The following TMEM11 variants were observed in gnomAD, a reference collection of about 807,000 sequenced individuals.
The protein encoded by TMEM11 is transmembrane protein 11.
TMEM11 carries 1 observed loss-of-function variant against 17.0 expected under a neutral mutation model. The ratio of observed to expected loss-of-function variants is 0.06; its 90% CI spans 0.02 to 0.28. The LOEUF (loss-of-function observed/expected upper bound fraction) is 0.28, where lower values mean the gene tolerates loss of function less well. Ranked by LOEUF, TMEM11 falls within the 10% of genes least tolerant of loss-of-function variation. TMEM11 has a pLI of 1.00. For missense variants in TMEM11, 172 were observed against 252.9 expected, an observed-to-expected ratio of 0.68 and a Z score of 2.17; for synonymous variants, 122 against 118.1, an observed-to-expected ratio of 1.03 and a Z score of -0.21.
rs1201778427 is a variant in TMEM11 at position 21,198,116 on chromosome 17, AC to A, written c.*207del. On this transcript the variant is annotated 3_prime_UTR_variant, in exon 2 of 2. Transcript: ENST00000317635. The surrounding 1 kb of genome is among the most constrained non-coding windows in gnomAD (Gnocchi z 6.5). ...CCCAGTCGGACTTCCACAGCCTCAG[AC>A]CCCCCTCTTGGGTTATGGAAATCCA... The A allele has an allele frequency of 3.3e-5, 21 of 627,952 alleles. No individual in the cohort carries two copies. The African/African-American group carries it at 3.5e-4, about 10-fold the overall frequency. 38.9% of individuals were successfully genotyped at this position (627,952 alleles called of 1,614,324 possible).
Position 21,198,702 on chromosome 17 carries a change from A to C in TMEM11, c.201T>G (p.Ile67Met). The C allele has an allele frequency of 6.2e-7, 1 of 1,614,130 alleles. No homozygotes were observed. The highest frequency in any genetic ancestry group is 1.3e-5 in the African/African-American group (1 of 75,078). Residue 67 changes from isoleucine (I) to methionine (M), a missense_variant, in exon 2 of 2, where the codon ATT (isoleucine) becomes ATG (methionine). Coordinates refer to ENST00000317635, the MANE Select transcript of TMEM11 (RefSeq NM_003876.3). This position sits in a 1 kb window ranked among gnomAD's most constrained non-coding sequence, Gnocchi z 6.5. ...TGATCCAGCGGGCTGTCTCGTCGCC[A>C]ATGCGAGTGGGCTCAATCACAATGT... ...YKYIVIEPTR[I>M]GDETARWITV...
chr17:21,207,747 G>C (rs1209613538), intron 1 of TMEM11, among the ~76,000 whole-genome samples: 2 of 151,200 alleles, frequency 1.3e-5, no homozygotes, highest in Non-Finnish European at 3.0e-5. Context: ...AATTAGCCAG[G>C]TGTGGTGACA....
chr17:21,213,895 G>C (rs1975031768), intron 1 of TMEM11, 196 bp downstream of exon 1: 1 of 587,152 alleles, frequency 1.7e-6, no homozygotes, highest in East Asian at 3.0e-5. Context: ...CTTCCCCTAA[G>C]CTCTCCGCCG....
chr17:21,205,496 G>A (rs957909787), intron 1 of TMEM11, among the ~76,000 whole-genome samples: 4 of 152,140 alleles, frequency 2.6e-5, no homozygotes, highest in African/African-American at 9.7e-5. Context: ...TCTCTATCGC[G>A]CTGGGTGGGG....
At chr17:21,209,867 C>T (rs1974983937) in intron 1 of TMEM11, among the ~76,000 whole-genome samples, 1 of 152,216 alleles carries the variant, frequency 6.6e-6, no homozygotes. Flanking sequence ...TCTGTCATGC[C>T]AGAAACTCCT....
Position 21,198,929 on chromosome 17 carries a change from G to A in TMEM11, c.63-89C>T. 2 of 1,455,020 alleles carry A rather than the reference G, an allele frequency of 1.4e-6. No individual in the cohort carries two copies. The highest frequency in any genetic ancestry group is 9.3e-7 in the Non-Finnish European group (1 of 1,080,032). The allele number at this position is 1,455,020 out of a possible 1,614,324, so 90.1% of individuals were successfully genotyped here. On this transcript the variant is annotated intron_variant, in intron 1 of 1. Coordinates refer to ENST00000317635, the MANE Select transcript of TMEM11 (RefSeq NM_003876.3). This position sits in a 1 kb window ranked among gnomAD's most constrained non-coding sequence, Gnocchi z 6.5. ...ACTTAACTGTGTTTCAGCGCTGGGGGAGGTCTGAGCCTGCACTGCGGAGAG... is the reference window on the plus strand; with the variant it reads ...ACTTAACTGTGTTTCAGCGCTGGGGAAGGTCTGAGCCTGCACTGCGGAGAG...
At chr17:21,206,015 G>A (rs1477967099) in intron 1 of TMEM11, among the ~76,000 whole-genome samples, 1 of 150,156 alleles carries the variant, frequency 6.7e-6, no homozygotes, top group Non-Finnish European at 1.5e-5. Flanking sequence ...GAACATGGGT[G>A]CACAAACATC....
rs1478607414 is a variant in TMEM11 at position 21,198,755 on chromosome 17, C to G, written c.148G>C (p.Glu50Gln). 6.2e-7 allele frequency: 1 copy of G among 1,614,076 alleles called. No homozygotes were observed. Among genetic ancestry groups the G allele is most frequent in the African/African-American group, 1.3e-5 (1 of 75,048 alleles). Residue 50 changes from glutamate to glutamine, a missense_variant, in exon 2 of 2, where the codon GAG becomes CAG. Coordinates refer to ENST00000317635, the MANE Select transcript of TMEM11 (RefSeq NM_003876.3). The surrounding 1 kb of genome is among the most constrained non-coding windows in gnomAD (Gnocchi z 6.5). ...TTGTACTGGGCTTCCAGGGCCTGCTCCAGCTCGTACTCAAACTGGTCTTGG... is the reference window on the plus strand; with the variant it reads ...TTGTACTGGGCTTCCAGGGCCTGCTGCAGCTCGTACTCAAACTGGTCTTGG... ...NAQDQFEYEL[E>Q]QALEAQYKYI... is the part of the protein sequence containing the mutation.
intron 1 of TMEM11, among the ~76,000 whole-genome samples, chr17:21,201,909 A>T (rs536518890): frequency 1.3e-5 from 2 of 152,384 alleles, no homozygotes; most frequent in African/African-American, 4.8e-5. Context: ...TGGGATTAAC[A>T]GGCATGAGCT....
rs183524721 is a variant in TMEM11 at position 21,204,357 on chromosome 17, G to A, written c.63-5517C>T. 2.8e-3 allele frequency among the ~76,000 whole-genome samples: 416 copies of A among 149,556 alleles called. 1 individual carries two copies. Among genetic ancestry groups the A allele is most frequent in the African/African-American group, 9.7e-3 (394 of 40,620 alleles). ...CCTGAGGCAGAAGAATTGCTTGAAC[G>A]CAGGAGGCGGAGGTTGCAGTGAGCT... On this transcript the variant is annotated intron_variant, in intron 1 of 1. Coordinates refer to ENST00000317635, the MANE Select transcript of TMEM11 (RefSeq NM_003876.3).
intron 1 of TMEM11, among the ~76,000 whole-genome samples, chr17:21,204,573 G>A (rs982016886): frequency 6.6e-6 from 1 of 151,780 alleles, no homozygotes; most frequent in Non-Finnish European, 1.5e-5. Flanking sequence ...ATTTTTAAAA[G>A]TCTCTATTTG....
intron 1 of TMEM11, among the ~76,000 whole-genome samples, chr17:21,205,805 A>AT (rs1974936248): frequency 6.6e-6 from 1 of 151,982 alleles, no homozygotes; most frequent in Non-Finnish European, 1.5e-5. Context: ...TATATAGTAT[A>AT]TGCCCTTTTG....
chr17:21,209,746 G>A (rs1316833996), intron 1 of TMEM11, among the ~76,000 whole-genome samples: 1 of 152,186 alleles, frequency 6.6e-6, no homozygotes, highest in African/African-American at 2.4e-5. Flanking sequence ...TCCAGCCTGG[G>A]TGACAGAGCC....
At position 21,198,228 on chromosome 17, in the gene TMEM11, G is replaced by GC; in HGVS notation, c.*95dup. ...ATAACAAATACTAAGCCAAACACCT[G>GC]CCCAGGCTCTGCTGCCTCACAGAGT... On this transcript the variant is annotated 3_prime_UTR_variant, in exon 2 of 2. Transcript: ENST00000317635. This position sits in a 1 kb window ranked among gnomAD's most constrained non-coding sequence, Gnocchi z 6.5. The GC allele has an allele frequency of 1.4e-6, 2 of 1,452,164 alleles. No homozygotes were observed. Among genetic ancestry groups the GC allele is most frequent in the Non-Finnish European group, 1.9e-6 (2 of 1,072,416 alleles). 90.0% of individuals were successfully genotyped at this position (1,452,164 alleles called of 1,614,324 possible). A position where few individuals can be genotyped will look rare whatever the true frequency, so the allele number is the denominator to read the frequency against.
intron 1 of TMEM11, among the ~76,000 whole-genome samples, chr17:21,208,141 C>T (rs912476946): frequency 1.3e-5 from 2 of 151,234 alleles, no homozygotes; most frequent in Non-Finnish European, 3.0e-5. Context: ...TACAGGCAAT[C>T]GCCACCACGC....
intron 1 of TMEM11, among the ~76,000 whole-genome samples, chr17:21,199,477 C>T (rs1386743173): frequency 6.6e-6 from 1 of 152,090 alleles, no homozygotes; most frequent in Non-Finnish European, 1.5e-5. Flanking sequence ...AACGATTCGG[C>T]ACAGAATCAC....
In TMEM11 at chr17:21,206,408, G is replaced by C. The variant is rs576649884; in HGVS notation, c.63-7568C>G. 1.2e-4 allele frequency among the ~76,000 whole-genome samples: 18 copies of C among 152,174 alleles called. No individual in the cohort carries two copies. The South Asian group carries it at 3.7e-3, about 32-fold the overall frequency. On this transcript the variant is annotated intron_variant, in intron 1 of 1. Coordinates refer to ENST00000317635, the MANE Select transcript of TMEM11 (RefSeq NM_003876.3). ...AGCTAATTTTTGTATTTTTAGTAGA[G>C]ACAGGGTTTTCACCATGGTGGCCAG...
rs560479483 is a variant in TMEM11, at chr17:21,211,585, A to G, written c.62+2506T>C. ...GGTAAAGCAAGAACCCACACGCTAC[A>G]CGTGCTAAACTGGACCATCCAACAC... On this transcript the variant is annotated intron_variant, in intron 1 of 1. Coordinates refer to ENST00000317635, the MANE Select transcript of TMEM11 (RefSeq NM_003876.3). Among the ~76,000 whole-genome samples, 3 of 152,390 alleles carry G rather than the reference A, an allele frequency of 2.0e-5. No individual in the cohort carries two copies. The East Asian group carries it at 5.8e-4, about 29-fold the overall frequency.
chr17:21,208,664 A>T (rs901196002), intron 1 of TMEM11: 2 of 152,244 alleles, frequency 1.3e-5, no homozygotes, highest in African/African-American at 4.8e-5. Flanking sequence ...ATCTGAGTGG[A>T]AGCATCCACA....
Sources: allele counts gnomAD v4.1 joint callset (sites outside exome capture counted in the v4.1 genomes callset), GRCh38; gene constraint gnomAD v4.1.1; non-coding constraint Gnocchi (gnomAD v3.1); transcripts MANE v1.5; gene names NCBI Gene and HGNC (gene_info 2026-07-23, HGNC 2026-07-21).